The following TRIM14 variants were observed in gnomAD, a reference collection of about 807,000 sequenced individuals.
TRIM14 encodes tripartite motif containing 14.
In TRIM14, 28 loss-of-function variants were observed where a neutral mutation model predicts 44.5. The observed-to-expected ratio is 0.63, with a 90% CI of 0.47 to 0.86. TRIM14 has a LOEUF of 0.86. Ranked by LOEUF, TRIM14 falls within the 40% of genes least tolerant of loss-of-function variation. The pLI is 0.00. For synonymous variants in TRIM14, 299 were observed against 269.2 expected (o/e 1.11, Z -1.08); for missense variants, 607 against 611.1 (o/e 0.99, Z 0.07).
intron 4 of TRIM14, 116 bp downstream of exon 4, chr9:98,094,751 G>A (rs1385811861): frequency 7.7e-7 from 1 of 1,301,556 alleles, no homozygotes; most frequent in African/African-American, 1.5e-5. Flanking sequence ...TGACCGCCCA[G>A]CCAAGGGCCT....
downstream of TRIM14, among the ~76,000 whole-genome samples, chr9:98,068,020 C>T (rs1237880668): frequency 6.6e-6 from 1 of 152,146 alleles, no homozygotes; most frequent in Non-Finnish European, 1.5e-5. Context: ...CCATGCCTCG[C>T]CCTTTTTCAC....
intron 2 of TRIM14, among the ~76,000 whole-genome samples, chr9:98,102,007 CAAA>C (rs998993291): frequency 1.7e-4 from 10 of 57,698 alleles, no homozygotes; most frequent in African/African-American, 3.2e-4. Context: ...GACTTTGACT[CAAA>C]AAAAAAAAAA....
chr9:98,041,559 T>C, the TRIM14 span, among the ~76,000 whole-genome samples: 2 of 152,084 alleles, frequency 1.3e-5, no homozygotes, highest in African/African-American at 4.8e-5. Flanking sequence ...TGACATGATC[T>C]TGGCTCACTG....
chr9:98,087,709 G>C lies in TRIM14; in HGVS notation c.1090C>G (p.Leu364Val). ...RLGCNRQSWC[L>V]KRYDLEYWAF... The stretch of plus-strand genomic sequence containing the variant: ...CAGTACTCAAGGTCGTAGCGCTTGA[G>C]GCACCAGGACTGGCGGTTGCAGCCC... The change falls in exon 6 of 6, where the codon CTC (leucine) becomes GTC (valine). Residue 364 changes from leucine (L) to valine (V), a missense_variant. This residue lies in a region of TRIM14 where 356 missense variants were observed against 323.0 expected (regional missense o/e 1.10). Coordinates refer to ENST00000341469, the MANE Select transcript of TRIM14 (RefSeq NM_014788.4). The C allele has an allele frequency of 6.3e-7, 1 of 1,597,962 alleles. No individual in the cohort carries two copies. The highest frequency in any genetic ancestry group is 8.5e-7 in the Non-Finnish European group (1 of 1,178,102).
chr9:98,073,073 G>A (rs1330778684), intron 6 of TRIM14, among the ~76,000 whole-genome samples: 1 of 152,064 alleles, frequency 6.6e-6, no homozygotes, highest in Non-Finnish European at 1.5e-5. Flanking sequence ...TGGAAGCCAT[G>A]ACCAAAAAGG....
At chr9:98,047,010 T>C in the TRIM14 span, among the ~76,000 whole-genome samples, 2 of 152,148 alleles carry the variant, frequency 1.3e-5, no homozygotes, top group Non-Finnish European at 2.9e-5. Flanking sequence ...TGATTCAGTA[T>C]CACTGCAATG....
chr9:98,103,753 G>A (rs1826490514), intron 2 of TRIM14, among the ~76,000 whole-genome samples: 2 of 146,684 alleles, frequency 1.4e-5, no homozygotes, highest in East Asian at 2.0e-4. Flanking sequence ...CAGGAGAATC[G>A]CCTGAACCCG....
intron 2 of TRIM14, among the ~76,000 whole-genome samples, chr9:98,103,682 T>C (rs960267646): frequency 2.0e-5 from 3 of 151,226 alleles, no homozygotes; most frequent in East Asian, 3.9e-4. Context: ...ACTAAAGATA[T>C]AAAAAATTAG....
At chr9:98,088,236 C>A (rs1825869287) in intron 5 of TRIM14, among the ~76,000 whole-genome samples, 1 of 152,284 alleles carries the variant, frequency 6.6e-6, no homozygotes, top group Admixed American at 6.5e-5. Flanking sequence ...TATTTTGTGC[C>A]GTGAAATTTG....
At chr9:98,051,409 C>A in the TRIM14 span, among the ~76,000 whole-genome samples, 3 of 152,182 alleles carry the variant, frequency 2.0e-5, no homozygotes, top group African/African-American at 7.2e-5. Flanking sequence ...CAAGTGCCAG[C>A]AGCTGCACAG....
At chr9:98,052,137 C>A in the TRIM14 span, among the ~76,000 whole-genome samples, 1 of 152,224 alleles carries the variant, frequency 6.6e-6, no homozygotes, top group African/African-American at 2.4e-5. Context: ...CAGAACAGAG[C>A]CTTAGACTTT....
downstream of TRIM14, chr9:98,083,153 G>A: frequency 8.4e-7 from 1 of 1,192,826 alleles, no homozygotes; most frequent in South Asian, 1.4e-5. Context: ...CCAGGGACCT[G>A]GCTGTCATCC....
intron 2 of TRIM14, among the ~76,000 whole-genome samples, chr9:98,108,155 A>G (rs1399462780): frequency 6.7e-6 from 1 of 149,942 alleles, no homozygotes; most frequent in Non-Finnish European, 1.5e-5. Context: ...AGGTCAAGGT[A>G]CACAAAACTC....
At chr9:98,061,775 T>C in the TRIM14 span, among the ~76,000 whole-genome samples, 2 of 146,820 alleles carry the variant, frequency 1.4e-5, no homozygotes, top group South Asian at 2.2e-4. Context: ...CAAGATTCCG[T>C]CTCAAAAAAA....
rs1444748760 is a variant in TRIM14, at chr9:98,070,205, C to T, written c.*29-518G>A. Among the ~76,000 whole-genome samples the T allele has an allele frequency of 2.0e-5, 3 of 152,272 alleles. No individual in the cohort carries two copies. The East Asian group carries it at 5.8e-4, about 29-fold the overall frequency. ...CGATTGTGGCTCACTGTAACCTTCG[C>T]CTCCCAGGTTCAAGCAGTTCTCCTG... On this transcript the variant is annotated intron_variant, in intron 6 of 6. Coordinates refer to the TRIM14 transcript ENST00000375098.
At chr9:98,045,271 G>C in the TRIM14 span, among the ~76,000 whole-genome samples, 1 of 151,222 alleles carries the variant, frequency 6.6e-6, no homozygotes, top group Admixed American at 6.6e-5. Flanking sequence ...CACATGCCAA[G>C]GTCAAATCCT....
chr9:98,099,758 C>T (rs957995668), intron 3 of TRIM14, among the ~76,000 whole-genome samples, 173 bp downstream of exon 3: 1 of 152,212 alleles, frequency 6.6e-6, no homozygotes, highest in Non-Finnish European at 1.5e-5. Context: ...TATTATCTTC[C>T]TAACAATGTA....
At chr9:98,059,019 A>G in the TRIM14 span, among the ~76,000 whole-genome samples, 5 of 151,622 alleles carry the variant, frequency 3.3e-5, no homozygotes, top group Non-Finnish European at 2.9e-5. Flanking sequence ...TCTGGACCCA[A>G]GAAGTTTTTA....
At chr9:98,056,158 A>G in the TRIM14 span, among the ~76,000 whole-genome samples, 1 of 152,196 alleles carries the variant, frequency 6.6e-6, no homozygotes, top group Admixed American at 6.5e-5. Flanking sequence ...GTTGCCTCTC[A>G]TATAATAGGA....
Sources: gnomAD v4.1 joint callset for allele counts (sites outside exome capture counted in the v4.1 genomes callset) on GRCh38, gnomAD v4.1.1 for gene constraint, gnomAD v4.1.1 regional missense constraint, MANE v1.5 for transcripts, NCBI Gene and HGNC (gene_info 2026-07-23, HGNC 2026-07-21) for gene names.